Variants in ELK4 observed in about 807,000 individuals in gnomAD.
ELK4 encodes ETS transcription factor ELK4.
ELK4 carries 16 observed loss-of-function variants against 29.6 expected under a neutral mutation model. That is an observed-to-expected ratio of 0.54 (90% CI 0.37 to 0.82). The LOEUF (loss-of-function observed/expected upper bound fraction) is 0.82. Ranked by LOEUF, ELK4 falls within the 40% of genes least tolerant of loss-of-function variation. ELK4 has a pLI of 0.00. For synonymous variants in ELK4, 213 were observed against 191.1 expected (o/e 1.11, Z -0.95); for missense variants, 465 against 507.1 (o/e 0.92, Z 0.80).
intron 1 of ELK4, chr1:205,625,682 T>C (rs1670440618): frequency 3.2e-6 from 2 of 628,294 alleles, no homozygotes. Flanking sequence ...GCTGCTTCTT[T>C]TTTTTTTTTT....
Position 205,615,805 on chromosome 1 carries a change from CA to C in ELK4, c.*740del. The stretch of plus-strand genomic sequence containing the variant: ...GGTCCCATATTCTTACTAGGTGTTC[CA>C]AAAACTGTCTTAAACCCCAGGTCTA... On this transcript the variant is annotated 3_prime_UTR_variant, in exon 5 of 5. Transcript: ENST00000357992. The C allele has an allele frequency of 4.7e-6, 1 of 211,414 alleles. No individual in the cohort carries two copies. The allele number at this position is 211,414 out of a possible 1,614,324, so 13.1% of individuals were successfully genotyped here.
rs1371192528 is a variant in ELK4 at position 205,608,947 on chromosome 1, A to G, written c.*7599T>C. 1 of 190,228 alleles carries G rather than the reference A, an allele frequency of 5.3e-6. No homozygotes were observed. Among genetic ancestry groups the G allele is most frequent in the Non-Finnish European group, 1.1e-5 (1 of 90,636 alleles). The allele number at this position is 190,228 out of a possible 1,614,324, so 11.8% of individuals were successfully genotyped here. ...GCACTGCAATAGTCCCATGGCAGAC[A>G]TATGCTTTTCTTCTGAATTACAGAT... On this transcript the variant is annotated 3_prime_UTR_variant, in exon 5 of 5. Coordinates refer to ENST00000357992, the MANE Select transcript of ELK4 (RefSeq NM_001973.4).
chr1:205,611,823 C>A lies in ELK4; in HGVS notation c.*4723G>T, dbSNP rs771100419. On this transcript the variant is annotated 3_prime_UTR_variant, in exon 5 of 5. Transcript: ENST00000357992. Reference sequence around the variant, plus strand: ...TGGCACCTAAGCACGATTCTAGACTCCTGGCACGGGTAAATAAAACATATA... The same window carrying A: ...TGGCACCTAAGCACGATTCTAGACTACTGGCACGGGTAAATAAAACATATA... The A allele has an allele frequency of 3.1e-5, 6 of 192,426 alleles. No individual in the cohort carries two copies. The highest frequency in any genetic ancestry group is 5.4e-5 in the Non-Finnish European group (5 of 92,246). 11.9% of individuals were successfully genotyped at this position (192,426 alleles called of 1,614,324 possible).
In ELK4 at chr1:205,608,580, G is replaced by C. The variant is rs968982453; in HGVS notation, c.*7966C>G. 2 of 193,444 alleles carry C rather than the reference G, an allele frequency of 1.0e-5. No homozygotes were observed. The highest frequency in any genetic ancestry group is 4.7e-5 in the African/African-American group (2 of 43,010). The allele number at this position is 193,444 out of a possible 1,614,324, so 12.0% of individuals were successfully genotyped here. A position where few individuals can be genotyped will look rare whatever the true frequency, so the allele number is the denominator to read the frequency against. On this transcript the variant is annotated 3_prime_UTR_variant, in exon 5 of 5. Transcript: ENST00000357992. ...TTTTTTAGGAAAAAGAAAAAAAAAAGGTGCTTTTAATACTTTGAAGGTGCT... is the reference window on the plus strand; with the variant it reads ...TTTTTTAGGAAAAAGAAAAAAAAAACGTGCTTTTAATACTTTGAAGGTGCT...
intron 3 of ELK4, 187 bp downstream of exon 3, chr1:205,619,779 A>T: frequency 6.6e-7 from 1 of 1,517,070 alleles, no homozygotes; most frequent in Non-Finnish European, 8.8e-7. Context: ...AAAATACTCC[A>T]AACTTTCTAT....
intron 1 of ELK4, among the ~76,000 whole-genome samples, chr1:205,631,421 G>T (rs1384148204): frequency 8.1e-6 from 1 of 123,098 alleles, no homozygotes; most frequent in Non-Finnish European, 1.8e-5. Flanking sequence ...ACCAAGAGGC[G>T]ACGAGAGCTG....
At chr1:205,623,164 A>G (rs1202039743) in intron 2 of ELK4, among the ~76,000 whole-genome samples, 3 of 151,262 alleles carry the variant, frequency 2.0e-5, no homozygotes, top group South Asian at 2.1e-4. Context: ...TCTCAAAAAA[A>G]AAAAAAAAAA....
rs181630769 is a variant in ELK4, at chr1:205,608,452, G to A, written c.*8094C>T. The A allele has an allele frequency of 1.7e-3, 337 of 193,642 alleles. 1 individual carries two copies. Among genetic ancestry groups the A allele is most frequent in the Non-Finnish European group, 2.9e-3 (267 of 93,190 alleles). 12.0% of individuals were successfully genotyped at this position (193,642 alleles called of 1,614,324 possible). A position where few individuals can be genotyped will look rare whatever the true frequency, so the allele number is the denominator to read the frequency against. ...AGCAATATCCCTTTGTTTCCCAACA[G>A]GTAAGTCAGACTGCTTAGCTAGGAG... On this transcript the variant is annotated 3_prime_UTR_variant, in exon 5 of 5. Transcript: ENST00000357992.
chr1:205,618,509 A>C (rs2102377253), intron 4 of ELK4, among the ~76,000 whole-genome samples: 1 of 152,354 alleles, frequency 6.6e-6, no homozygotes, highest in African/African-American at 2.4e-5. Context: ...TAATATTTGG[A>C]AATTCAAAAA....
rs1177322125 is a variant in ELK4, at chr1:205,612,325, G to GT, written c.*4220dup. 2 of 212,608 alleles carry GT rather than the reference G, an allele frequency of 9.4e-6. No individual in the cohort carries two copies. Among genetic ancestry groups the GT allele is most frequent in the Non-Finnish European group, 1.9e-5 (2 of 105,162 alleles). 13.2% of individuals were successfully genotyped at this position (212,608 alleles called of 1,614,324 possible). A position where few individuals can be genotyped will look rare whatever the true frequency, so the allele number is the denominator to read the frequency against. Reference sequence around the variant, plus strand: ...AGTCAGCAGTCTTTAGGAAAAGCGTGTGCTTCTGGAGGGTGCACAAGACAA... The same window carrying GT: ...AGTCAGCAGTCTTTAGGAAAAGCGTGTTGCTTCTGGAGGGTGCACAAGACAA... On this transcript the variant is annotated 3_prime_UTR_variant, in exon 5 of 5. Transcript: ENST00000357992.
chr1:205,626,666 A>C (rs1451856032), intron 1 of ELK4, among the ~76,000 whole-genome samples: 1 of 152,236 alleles, frequency 6.6e-6, no homozygotes, highest in African/African-American at 2.4e-5. Context: ...GCTATAATCA[A>C]GACAGACAGA....
chr1:205,629,249 A>C (rs575888936), intron 1 of ELK4, among the ~76,000 whole-genome samples: 2 of 152,194 alleles, frequency 1.3e-5, no homozygotes, highest in African/African-American at 4.8e-5. Context: ...TTTTGAGAAA[A>C]AGATATAAAG....
chr1:205,624,376 T>C (rs1408490805), intron 1 of ELK4, among the ~76,000 whole-genome samples: 1 of 152,062 alleles, frequency 6.6e-6, no homozygotes, highest in Non-Finnish European at 1.5e-5. Flanking sequence ...CCTGTGAGTG[T>C]ATGTGTTTGT....
intron 4 of ELK4, 100 bp from the exon 5 acceptor site, chr1:205,616,744 G>A: frequency 7.4e-6 from 7 of 939,834 alleles, no homozygotes; most frequent in Non-Finnish European, 1.1e-5. Context: ...ACAGCCTTCT[G>A]TAATGGCTCA....
intron 1 of ELK4, among the ~76,000 whole-genome samples, chr1:205,631,169 G>GA (rs1670576636): frequency 2.6e-5 from 4 of 152,302 alleles, no homozygotes; most frequent in Admixed American, 2.0e-4. Flanking sequence ...AAAAAGAAAT[G>GA]AAACTCGACA....
At chr1:205,628,621 A>G (rs775223490) in intron 1 of ELK4, among the ~76,000 whole-genome samples, 24 of 152,268 alleles carry the variant, frequency 1.6e-4, no homozygotes, top group Non-Finnish European at 3.4e-4. Context: ...TCAGCTATAC[A>G]TCTAAAGACA....
chr1:205,613,251 CT>C lies in ELK4; in HGVS notation c.*3294del, dbSNP rs1296539353. ...GCAGGAGGCTGAGGCAGGAGGATCA[CT>C]TGAGCCCGGGAGTTTGAGTCCACCC... On this transcript the variant is annotated 3_prime_UTR_variant, in exon 5 of 5. Transcript: ENST00000357992. 5.1e-6 allele frequency: 1 copy of C among 197,110 alleles called. No individual in the cohort carries two copies. Among genetic ancestry groups the C allele is most frequent in the Non-Finnish European group, 1.1e-5 (1 of 95,094 alleles). The allele number at this position is 197,110 out of a possible 1,614,324, so 12.2% of individuals were successfully genotyped here. A position where few individuals can be genotyped will look rare whatever the true frequency, so the allele number is the denominator to read the frequency against.
chr1:205,610,509 T>C lies in ELK4; in HGVS notation c.*6037A>G, dbSNP rs766313008. ...ACAAAAGCAAACATAAATGTAGAAA[T>C]TTTAAGAAAGGACATCCTTATTTGC... On this transcript the variant is annotated 3_prime_UTR_variant, in exon 5 of 5. Coordinates refer to ENST00000357992, the MANE Select transcript of ELK4 (RefSeq NM_001973.4). The C allele has an allele frequency of 1.5e-4, 35 of 229,074 alleles. No individual in the cohort carries two copies. Among genetic ancestry groups the C allele is most frequent in the Non-Finnish European group, 2.1e-4 (24 of 115,664 alleles). 14.2% of individuals were successfully genotyped at this position (229,074 alleles called of 1,614,324 possible).
intron 1 of ELK4, among the ~76,000 whole-genome samples, chr1:205,628,415 A>G (rs1670507646): frequency 6.6e-6 from 1 of 152,216 alleles, no homozygotes; most frequent in Non-Finnish European, 1.5e-5. Context: ...CATCACCTTC[A>G]TATAAGACTG....
Sources: gnomAD v4.1 joint callset for allele counts (sites outside exome capture counted in the v4.1 genomes callset) on GRCh38, gnomAD v4.1.1 for gene constraint, MANE v1.5 for transcripts, NCBI Gene and HGNC (gene_info 2026-07-23, HGNC 2026-07-21) for gene names.